The following ANKRD30BL variants were observed in gnomAD, a reference collection of about 807,000 sequenced individuals.
ANKRD30BL encodes ankyrin repeat domain 30B like.
A neutral mutation model predicts 18.4 loss-of-function variants in ANKRD30BL; 20 were observed. The observed-to-expected ratio is 1.09, with a 90% CI of 0.77 to 1.58. The LOEUF (loss-of-function observed/expected upper bound fraction) is 1.58. ANKRD30BL is among the 40% of genes most tolerant of loss of function. The pLI, the probability that ANKRD30BL is intolerant of heterozygous loss-of-function variation, is 0.00. For synonymous variants in ANKRD30BL, 72 were observed against 100.9 expected (o/e 0.71, Z 1.72); for missense variants, 224 against 268.6 (o/e 0.83, Z 1.16).
At chr2:132,181,782 T>C (rs963196253) in intron 1 of ANKRD30BL, among the ~76,000 whole-genome samples, 4 of 152,166 alleles carry the variant, frequency 2.6e-5, no homozygotes, top group Admixed American at 2.6e-4. Flanking sequence ...TTATCTCTCA[T>C]GAAGAACATG....
chr2:132,154,845 C>T (rs969756213), intron 3 of ANKRD30BL, 77 bp from the exon 4 acceptor site: 2 of 563,706 alleles, frequency 3.5e-6, no homozygotes, highest in African/African-American at 3.9e-5. Flanking sequence ...TATATAATAT[C>T]CTATGAACTT....
At chr2:132,241,725 T>C (rs1244898009) in intron 1 of ANKRD30BL, among the ~76,000 whole-genome samples, 2 of 151,898 alleles carry the variant, frequency 1.3e-5, no homozygotes, top group African/African-American at 2.4e-5. Flanking sequence ...GAAACTTCTT[T>C]CTGATGTGTG....
At chr2:132,256,380 C>G (rs1404193172) in intron 1 of ANKRD30BL, among the ~76,000 whole-genome samples, 1 of 152,038 alleles carries the variant, frequency 6.6e-6, no homozygotes, top group Non-Finnish European at 1.5e-5. Flanking sequence ...CCCCGACGGG[C>G]TCACCACTCC....
At chr2:132,256,594 C>T (rs77406284) in intron 1 of ANKRD30BL, among the ~76,000 whole-genome samples, 1 of 152,202 alleles carries the variant, frequency 6.6e-6, no homozygotes, top group South Asian at 2.1e-4. Context: ...CTGGAGCGGC[C>T]GACTGGCCTT....
intron 1 of ANKRD30BL, among the ~76,000 whole-genome samples, chr2:132,234,756 T>G (rs1479071048): frequency 6.6e-6 from 1 of 152,052 alleles, no homozygotes; most frequent in Non-Finnish European, 1.5e-5. Flanking sequence ...CTACCAGAGG[T>G]ACAAGGAGGA....
chr2:132,253,771 A>C (rs1024553297), intron 1 of ANKRD30BL, among the ~76,000 whole-genome samples: 5 of 150,356 alleles, frequency 3.3e-5, no homozygotes, highest in Non-Finnish European at 7.4e-5. Context: ...CTGCACCAGA[A>C]TGCGCTAGGT....
intron 1 of ANKRD30BL, among the ~76,000 whole-genome samples, chr2:132,174,851 C>G (rs1477688606): frequency 6.6e-6 from 1 of 152,164 alleles, no homozygotes; most frequent in Non-Finnish European, 1.5e-5. Context: ...AATCATCTTG[C>G]TTGCTATGGG....
chr2:132,171,628 T>A (rs1302825582), intron 1 of ANKRD30BL, among the ~76,000 whole-genome samples: 1 of 152,242 alleles, frequency 6.6e-6, no homozygotes, highest in African/African-American at 2.4e-5. Context: ...TCTAATAAGT[T>A]TAATAAAGTT....
chr2:132,173,301 C>CTTTT (rs35866741), intron 1 of ANKRD30BL, among the ~76,000 whole-genome samples: 1 of 129,392 alleles, frequency 7.7e-6, no homozygotes, highest in Non-Finnish European at 1.6e-5. Context: ...AATTTTGCTT[C>CTTTT]TTTTTTTTTT....
chr2:132,181,948 C>T (rs1273656808), intron 1 of ANKRD30BL, among the ~76,000 whole-genome samples: 10 of 151,608 alleles, frequency 6.6e-5, no homozygotes, highest in African/African-American at 9.7e-5. Flanking sequence ...CCCATCTCTA[C>T]GAAAAATACA....
intron 1 of ANKRD30BL, among the ~76,000 whole-genome samples, chr2:132,255,557 G>C (rs1049424211): frequency 2.1e-4 from 32 of 152,046 alleles, no homozygotes; most frequent in Non-Finnish European, 4.3e-4. Flanking sequence ...TACGCTATTG[G>C]AGCTGGAATT....
At chr2:132,169,455 T>C (rs1688239799) in intron 1 of ANKRD30BL, among the ~76,000 whole-genome samples, 1 of 152,168 alleles carries the variant, frequency 6.6e-6, no homozygotes, top group Admixed American at 6.5e-5. Context: ...GAGACCATCA[T>C]GGCCACCATG....
chr2:132,182,310 G>C (rs1230407645), intron 1 of ANKRD30BL, among the ~76,000 whole-genome samples: 1 of 150,930 alleles, frequency 6.6e-6, no homozygotes, highest in Non-Finnish European at 1.5e-5. Flanking sequence ...GTGAAACCCC[G>C]TCTCTACTAA....
At chr2:132,235,695 A>T (rs1317508778) in intron 1 of ANKRD30BL, among the ~76,000 whole-genome samples, 2 of 152,184 alleles carry the variant, frequency 1.3e-5, no homozygotes, top group Non-Finnish European at 2.9e-5. Flanking sequence ...AAGAGGATAC[A>T]AACGAATGGA....
At chr2:132,223,499 T>G (rs1474927866) in intron 1 of ANKRD30BL, among the ~76,000 whole-genome samples, 1 of 152,110 alleles carries the variant, frequency 6.6e-6, no homozygotes, top group African/African-American at 2.4e-5. Context: ...CTTTGTGATA[T>G]TTGTATTCAA....
At chr2:132,164,352 G>A (rs28670548), upstream of ANKRD30BL, among the ~76,000 whole-genome samples, 16 of 146,928 alleles carry the variant, frequency 1.1e-4, no homozygotes, top group African/African-American at 3.0e-4. Context: ...GTGCAGTGGC[G>A]TGATCTCGGC....
intron 1 of ANKRD30BL, among the ~76,000 whole-genome samples, chr2:132,187,197 T>G (rs1176179762): frequency 0.012 from 1,664 of 144,322 alleles, 44 homozygotes; most frequent in African/African-American, 0.04. Flanking sequence ...TGTTTTTTTT[T>G]TTTTTTTTTT....
chr2:132,250,419 G>T (rs1398093184), intron 1 of ANKRD30BL, among the ~76,000 whole-genome samples: 2 of 152,104 alleles, frequency 1.3e-5, no homozygotes, highest in Non-Finnish European at 2.9e-5. Context: ...CTCATAATTA[G>T]TTTTTAGGAC....
chr2:132,235,694 CA>C (rs1284081632), intron 1 of ANKRD30BL, among the ~76,000 whole-genome samples: 1 of 152,062 alleles, frequency 6.6e-6, no homozygotes, highest in Non-Finnish European at 1.5e-5. Context: ...AAAGAGGATA[CA>C]AACGAATGGA....
Sources: allele counts gnomAD v4.1 joint callset (sites outside exome capture counted in the v4.1 genomes callset), GRCh38; gene constraint gnomAD v4.1.1; transcripts MANE v1.5; gene names NCBI Gene and HGNC (gene_info 2026-07-23, HGNC 2026-07-21).